The following NAV3 variants were observed in gnomAD, a reference collection of about 807,000 sequenced individuals.
NAV3 encodes neuron navigator 3, also known as pore membrane and/or filament interacting like protein 1.
NAV3 carries 87 observed loss-of-function variants against 244.7 expected under a neutral mutation model. The observed-to-expected ratio is 0.36, with a 90% CI of 0.30 to 0.42. The LOEUF is 0.42. Among genes scored for constraint, NAV3 ranks in the 20% least tolerant of loss-of-function variants. The probability of loss-of-function intolerance (pLI) is 1.00; values close to 1 mark genes in which losing one functional copy is unlikely to be tolerated. For synonymous variants in NAV3, 1,126 were observed against 1,042.2 expected (o/e 1.08, Z -1.55); for missense variants, 2,663 against 2,893.3 (o/e 0.92, Z 1.83).
At chr12:78,020,358 C>CT (rs1876942470) in intron 8 of NAV3, among the ~76,000 whole-genome samples, 1 of 151,980 alleles carries the variant, frequency 6.6e-6, no homozygotes, top group South Asian at 2.1e-4. Context: ...ACTTTGAGGT[C>CT]TTTTTTTCTG....
chr12:77,634,827 G>A (rs1396278626), intron 2 of NAV3, among the ~76,000 whole-genome samples: 1 of 151,916 alleles, frequency 6.6e-6, no homozygotes, highest in African/African-American at 2.4e-5. Flanking sequence ...AAGTCTAAAA[G>A]GAAAACAATG....
intron 2 of NAV3, among the ~76,000 whole-genome samples, chr12:77,609,098 C>T (rs1228042957): frequency 2.6e-5 from 4 of 152,032 alleles, no homozygotes; most frequent in Non-Finnish European, 5.9e-5. Context: ...TTATCTGCTT[C>T]CAAATCTTGC....
intron 2 of NAV3, among the ~76,000 whole-genome samples, chr12:77,599,297 A>G (rs1224318366): frequency 6.6e-6 from 1 of 152,060 alleles, no homozygotes; most frequent in Non-Finnish European, 1.5e-5. Context: ...ATCTTGAATT[A>G]TTCAATTGTA....
intron 2 of NAV3, among the ~76,000 whole-genome samples, chr12:77,711,296 A>G (rs1193435224): frequency 6.6e-6 from 1 of 152,190 alleles, no homozygotes; most frequent in African/African-American, 2.4e-5. Flanking sequence ...TGTGGATTGA[A>G]GTGGAGGCTT....
At chr12:78,036,811 T>G in intron 9 of NAV3, 1 of 625,220 alleles carries the variant, frequency 1.6e-6, no homozygotes, top group Non-Finnish European at 2.9e-6. Flanking sequence ...ACAATCACAG[T>G]GTAACAAGAC....
At chr12:77,573,403 G>A (rs1868924816) in intron 2 of NAV3, among the ~76,000 whole-genome samples, 1 of 152,066 alleles carries the variant, frequency 6.6e-6, no homozygotes, top group Admixed American at 6.6e-5. Flanking sequence ...TCCCAGTTTG[G>A]TTCATTTTTT....
intron 12 of NAV3, among the ~76,000 whole-genome samples, chr12:78,071,166 C>T (rs1423115196): frequency 1.3e-5 from 2 of 152,184 alleles, no homozygotes; most frequent in African/African-American, 4.8e-5. Context: ...TACAGTCCCA[C>T]CAACAGTGTA....
At chr12:77,809,052 C>T (rs1872147758) in intron 2 of NAV3, among the ~76,000 whole-genome samples, 1 of 152,166 alleles carries the variant, frequency 6.6e-6, no homozygotes, top group African/African-American at 2.4e-5. Flanking sequence ...AGGTCGACTT[C>T]AGAATGCTGT....
chr12:77,896,886 C>T (rs1188207555), intron 1 of NAV3, among the ~76,000 whole-genome samples: 1 of 152,134 alleles, frequency 6.6e-6, no homozygotes, highest in Non-Finnish European at 1.5e-5. Flanking sequence ...CAGAGCAAAG[C>T]TTTAGGTCAT....
At chr12:77,616,808 A>C (rs9805007) in intron 2 of NAV3, among the ~76,000 whole-genome samples, 17,913 of 152,120 alleles carry the variant, frequency 0.12, 1,921 homozygotes, top group African/African-American at 0.29. Context: ...TTAAAAACTT[A>C]TTGCTAGCTG....
At chr12:77,632,583 G>A (rs1021066065) in intron 2 of NAV3, among the ~76,000 whole-genome samples, 2 of 152,110 alleles carry the variant, frequency 1.3e-5, no homozygotes, top group Admixed American at 6.6e-5. Flanking sequence ...CCCACGACAC[G>A]TGGGAATTGT....
Position 78,090,217 on chromosome 12 carries a change from CATAT to C in NAV3, c.2637-26551_2637-26548del, listed in dbSNP as rs539480353. Among the ~76,000 whole-genome samples the C allele has an allele frequency of 2.8e-4, 41 of 147,270 alleles. No homozygotes were observed. In the South Asian group the frequency reaches 8.7e-3, roughly 31 times the overall value. On this transcript the variant is annotated intron_variant, in intron 12 of 39. Transcript: ENST00000397909. Reference sequence around the variant, plus strand: ...TATATATATATATGGTTGAATTATACATATATAAAGTTGAATTATATATATATAT... The same window carrying C: ...TATATATATATATGGTTGAATTATACATAAAGTTGAATTATATATATATAT...
chr12:77,765,306 A>T (rs1044548224), intron 2 of NAV3, among the ~76,000 whole-genome samples: 1 of 152,130 alleles, frequency 6.6e-6, no homozygotes, highest in Non-Finnish European at 1.5e-5. Flanking sequence ...ATAACTCCAA[A>T]TTTGTTCACT....
At chr12:77,821,102 C>CAT (rs1872726140) in intron 2 of NAV3, among the ~76,000 whole-genome samples, 1 of 151,770 alleles carries the variant, frequency 6.6e-6, no homozygotes, top group Non-Finnish European at 1.5e-5. Flanking sequence ...AACACACACA[C>CAT]ACACACACAC....
Position 78,117,160 on chromosome 12 carries a change from TATATATATATATATATA to T in NAV3, c.2769+257_2769+273del, listed in dbSNP as rs1593651360. Among the ~76,000 whole-genome samples the T allele has an allele frequency of 2.2e-3, 236 of 108,780 alleles. 16 individuals are homozygous for T. Among genetic ancestry groups the T allele is most frequent in the African/African-American group, 7.5e-3 (222 of 29,686 alleles). The allele number at this position is 108,780 out of a possible 152,430, so 71.4% of individuals were successfully genotyped here. On this transcript the variant is annotated intron_variant, in intron 13 of 39. Coordinates refer to ENST00000397909, the MANE Select transcript of NAV3 (RefSeq NM_001024383.2). ...CAATTTTGAATAAACAGAAGCAGCA[TATATATATATATATATA>T]TATATATATATATATATATGATATA...
chr12:77,982,470 C>T (rs1419603547), intron 5 of NAV3, among the ~76,000 whole-genome samples: 2 of 152,108 alleles, frequency 1.3e-5, no homozygotes, highest in African/African-American at 4.8e-5. Context: ...CAACAAAGCA[C>T]AAGTTGCTCA....
chr12:77,699,994 G>A (rs948721200), intron 2 of NAV3, among the ~76,000 whole-genome samples: 4 of 152,084 alleles, frequency 2.6e-5, no homozygotes, highest in Admixed American at 2.6e-4. Context: ...TTTTGTTTTG[G>A]CACAGGCCTA....
intron 1 of NAV3, among the ~76,000 whole-genome samples, chr12:77,836,598 T>C (rs1056897701): frequency 4.6e-5 from 7 of 152,180 alleles, no homozygotes; most frequent in Non-Finnish European, 8.8e-5. Context: ...CACAGTTAAC[T>C]AGTAACAAAA....
intron 1 of NAV3, among the ~76,000 whole-genome samples, chr12:77,912,615 TG>T (rs1886713464): frequency 6.6e-6 from 1 of 152,032 alleles, no homozygotes; most frequent in South Asian, 2.1e-4. Flanking sequence ...TGTAGTTTTG[TG>T]GGGGTTTTTT....
Sources: allele counts gnomAD v4.1 joint callset (sites outside exome capture counted in the v4.1 genomes callset), GRCh38; gene constraint gnomAD v4.1.1; transcripts MANE v1.5; gene names NCBI Gene and HGNC (gene_info 2026-07-23, HGNC 2026-07-21).